PTPRD: variants seen among roughly 807,000 people sequenced by gnomAD.
PTPRD encodes protein tyrosine phosphatase receptor type D.
A neutral mutation model predicts 214.5 loss-of-function variants in PTPRD; 34 were observed. The ratio of observed to expected loss-of-function variants is 0.16; its 90% CI spans 0.12 to 0.21. PTPRD has a LOEUF of 0.21. Ranked by LOEUF, PTPRD falls within the 10% of genes least tolerant of loss-of-function variation. PTPRD has a pLI of 1.00. For synonymous variants in PTPRD, 1,128 were observed against 845.7 expected, an observed-to-expected ratio of 1.33 and a Z score of -5.79; for missense variants, 2,545 against 2,398.7, an observed-to-expected ratio of 1.06 and a Z score of -1.27.
intron 8 of PTPRD, among the ~76,000 whole-genome samples, chr9:9,466,014 T>C (rs1589156564): frequency 6.6e-6 from 1 of 152,074 alleles, no homozygotes; most frequent in African/African-American, 2.4e-5. Context: ...CACACTACAA[T>C]ATAAAATCTA....
At position 10,155,206 on chromosome 9, in the gene PTPRD, C is replaced by T. The variant is rs562839999; in HGVS notation, c.-544-121416G>A. ...CCTAGGTATTTTACTCTTTTTGTGG[C>T]AATTTTGAATGAGATAGCATTCCTG... is the stretch of plus-strand genomic sequence containing the variant. On this transcript the variant is annotated intron_variant, in intron 3 of 45. Coordinates refer to ENST00000381196, the MANE Select transcript of PTPRD (RefSeq NM_002839.4). Among the ~76,000 whole-genome samples the T allele has an allele frequency of 3.3e-5, 5 of 152,112 alleles. No individual in the cohort carries two copies. The South Asian group carries it at 1.0e-3, about 32-fold the overall frequency.
chr9:9,702,798 C>G (rs2097529357), intron 7 of PTPRD, among the ~76,000 whole-genome samples: 1 of 152,024 alleles, frequency 6.6e-6, no homozygotes, highest in Admixed American at 6.6e-5. Context: ...CACTTAATGG[C>G]TAGCTTATGG....
intron 11 of PTPRD, among the ~76,000 whole-genome samples, chr9:8,897,993 A>G (rs901538470): frequency 4.6e-5 from 7 of 152,220 alleles, no homozygotes; most frequent in Non-Finnish European, 1.0e-4. Context: ...ATCAACATTC[A>G]TGACACATTT....
rs1306264329 is a variant in PTPRD at position 10,599,136 on chromosome 9, T to C, written c.-600+13262A>G. ...TCCTTGATTTCAATTTAGTCCATGA[T>C]CCAAATCTGACCCTGTAGATGAGGA... On this transcript the variant is annotated intron_variant, in intron 2 of 45. Transcript: ENST00000381196. Among the ~76,000 whole-genome samples the C allele has an allele frequency of 2.0e-5, 3 of 151,706 alleles. No homozygotes were observed. In the South Asian group the frequency reaches 6.2e-4, roughly 31 times the overall value.
intron 2 of PTPRD, among the ~76,000 whole-genome samples, chr9:10,350,983 G>A (rs1192849301): frequency 6.6e-6 from 1 of 151,958 alleles, no homozygotes. Context: ...AGAAGAGATG[G>A]GTATAATACT....
intron 14 of PTPRD, among the ~76,000 whole-genome samples, chr9:8,567,054 C>G (rs1453470981): frequency 6.6e-6 from 1 of 152,162 alleles, no homozygotes; most frequent in East Asian, 1.9e-4. Flanking sequence ...ACGAATCTCT[C>G]CTATTTATCT....
At chr9:9,385,272 C>T (rs1220305003) in intron 9 of PTPRD, among the ~76,000 whole-genome samples, 1 of 152,114 alleles carries the variant, frequency 6.6e-6, no homozygotes, top group Non-Finnish European at 1.5e-5. Context: ...AAATTTTAGT[C>T]AAACATTTAT....
rs2091364608 is a variant in PTPRD, at chr9:8,397,073, T to A, written c.4210+7464A>T. Among the ~76,000 whole-genome samples the A allele has an allele frequency of 2.0e-5, 3 of 151,902 alleles. No homozygotes were observed. In the South Asian group the frequency reaches 6.2e-4, roughly 32 times the overall value. On this transcript the variant is annotated intron_variant, in intron 36 of 45. Transcript: ENST00000381196. The stretch of plus-strand genomic sequence containing the variant: ...AATCAATGATTTATGCTCTGAAGAG[T>A]GTGAGAAAAATGAACTCAACAAATA...
intron 5 of PTPRD, among the ~76,000 whole-genome samples, chr9:9,936,647 C>A (rs1409439105): frequency 2.3e-5 from 3 of 132,108 alleles, no homozygotes; most frequent in African/African-American, 3.2e-5. Flanking sequence ...CTAGTTCAAC[C>A]ATTGTGGAAG....
chr9:9,511,888 G>T (rs2096718406), intron 8 of PTPRD, among the ~76,000 whole-genome samples: 1 of 151,682 alleles, frequency 6.6e-6, no homozygotes, highest in Non-Finnish European at 1.5e-5. Context: ...CCCTAAGGAT[G>T]AGCAAATTTT....
chr9:8,386,254 T>C (rs118101279), intron 37 of PTPRD, among the ~76,000 whole-genome samples: 51 of 152,304 alleles, frequency 3.3e-4, no homozygotes, highest in Non-Finnish European at 6.3e-4. Flanking sequence ...AGTGCCCTAC[T>C]TGGAACTGTC....
intron 12 of PTPRD, among the ~76,000 whole-genome samples, chr9:8,685,612 G>A (rs2097664242): frequency 6.6e-6 from 1 of 152,080 alleles, no homozygotes; most frequent in Admixed American, 6.5e-5. Flanking sequence ...TACCATAAAT[G>A]GCCTGTTTTA....
chr9:10,549,354 G>T (rs1183351631), intron 2 of PTPRD, among the ~76,000 whole-genome samples: 1 of 152,042 alleles, frequency 6.6e-6, no homozygotes, highest in African/African-American at 2.4e-5. Context: ...TTCCGATGAA[G>T]GATTAGCTTT....
intron 14 of PTPRD, among the ~76,000 whole-genome samples, chr9:8,632,121 T>TTG (rs146691738): frequency 0.089 from 12,860 of 144,572 alleles, 1,172 homozygotes; most frequent in African/African-American, 0.25. Context: ...AATTGCTTCT[T>TTG]TGTGTGTGTG....
intron 8 of PTPRD, among the ~76,000 whole-genome samples, chr9:9,482,191 G>A (rs1378017915): frequency 6.6e-6 from 1 of 151,926 alleles, no homozygotes; most frequent in East Asian, 1.9e-4. Context: ...AATTTTAATA[G>A]ACACAAAATT....
intron 39 of PTPRD, among the ~76,000 whole-genome samples, chr9:8,360,643 T>C (rs1213494481): frequency 6.6e-6 from 1 of 152,224 alleles, no homozygotes; most frequent in African/African-American, 2.4e-5. Flanking sequence ...AAATATTTAC[T>C]GGTTATATTT....
chr9:9,402,978 A>C (rs1165827088), intron 8 of PTPRD, among the ~76,000 whole-genome samples: 1 of 144,622 alleles, frequency 6.9e-6, no homozygotes, highest in Non-Finnish European at 1.5e-5. Context: ...AAAAAAAAAA[A>C]AAAAAAAAAA....
chr9:10,321,124 G>C (rs183230207), intron 3 of PTPRD, among the ~76,000 whole-genome samples: 1 of 151,822 alleles, frequency 6.6e-6, no homozygotes, highest in Non-Finnish European at 1.5e-5. Flanking sequence ...TTAGTAATGC[G>C]ACATACTTTA....
chr9:9,629,238 G>GTGTGTGTATATATATATA (rs149327972), intron 7 of PTPRD, among the ~76,000 whole-genome samples: 1 of 140,370 alleles, frequency 7.1e-6, no homozygotes, highest in Non-Finnish European at 1.5e-5. Flanking sequence ...GTGTGTGTGT[G>GTGTGTGTATATATATATA]TATATATATA....
Sources: gnomAD v4.1 joint callset for allele counts (sites outside exome capture counted in the v4.1 genomes callset) on GRCh38, gnomAD v4.1.1 for gene constraint, MANE v1.5 for transcripts, NCBI Gene and HGNC (gene_info 2026-07-23, HGNC 2026-07-21) for gene names.